Variants in ZNF609 observed in about 807,000 individuals in gnomAD.
ZNF609 encodes zinc finger protein 609.
ZNF609 carries 11 observed loss-of-function variants against 109.5 expected under a neutral mutation model. The ratio of observed to expected loss-of-function variants is 0.10; its 90% CI spans 0.06 to 0.17. ZNF609 has a LOEUF of 0.17. ZNF609 is among the 10% of genes least tolerant of loss of function. ZNF609 has a pLI of 1.00. For synonymous variants in ZNF609, 646 were observed against 662.0 expected (o/e 0.98, Z 0.37); for missense variants, 1,559 against 1,772.4 (o/e 0.88, Z 2.16).
chr15:64,634,101 T>C (rs955418276), intron 3 of ZNF609, among the ~76,000 whole-genome samples: 4 of 152,114 alleles, frequency 2.6e-5, no homozygotes, highest in African/African-American at 9.7e-5. Flanking sequence ...TGTCTGTGTG[T>C]ATATACTCTG....
At chr15:64,516,460 G>A (rs1199887293) in intron 2 of ZNF609, among the ~76,000 whole-genome samples, 4 of 151,960 alleles carry the variant, frequency 2.6e-5, no homozygotes, top group Non-Finnish European at 2.9e-5. Flanking sequence ...CAAGCTCTCC[G>A]CCTCCTGAGT....
chr15:64,545,469 G>T (rs975871112), intron 2 of ZNF609, among the ~76,000 whole-genome samples: 1 of 152,146 alleles, frequency 6.6e-6, no homozygotes, highest in Non-Finnish European at 1.5e-5. Flanking sequence ...AAAGTGCTGG[G>T]ATTACGGGCA....
At chr15:64,546,737 G>A (rs1894368764) in intron 2 of ZNF609, among the ~76,000 whole-genome samples, 1 of 150,944 alleles carries the variant, frequency 6.6e-6, no homozygotes, top group Non-Finnish European at 1.5e-5. Context: ...GTCTCTCAAA[G>A]TGCTGGGATT....
At chr15:64,468,292 T>C (rs1257772166) in intron 1 of ZNF609, among the ~76,000 whole-genome samples, 1 of 151,244 alleles carries the variant, frequency 6.6e-6, no homozygotes, top group Non-Finnish European at 1.5e-5. Flanking sequence ...CCTTCCTTCC[T>C]TCATTTTCTC....
chr15:64,503,394 C>A (rs1383565993), intron 2 of ZNF609, among the ~76,000 whole-genome samples: 3 of 152,140 alleles, frequency 2.0e-5, no homozygotes, highest in Admixed American at 6.5e-5. Flanking sequence ...CTTGCCTGTT[C>A]CCTTGCCTTT....
At chr15:64,542,765 C>A (rs1894287949) in intron 2 of ZNF609, among the ~76,000 whole-genome samples, 1 of 152,222 alleles carries the variant, frequency 6.6e-6, no homozygotes, top group Admixed American at 6.5e-5. Flanking sequence ...TTCTCTCCAT[C>A]CCCACTTTCT....
chr15:64,514,599 A>G (rs1026730376), intron 2 of ZNF609, among the ~76,000 whole-genome samples: 2 of 150,190 alleles, frequency 1.3e-5, no homozygotes, highest in Non-Finnish European at 2.9e-5. Flanking sequence ...TTCACCTTCT[A>G]GCCTCTTCTC....
At chr15:64,482,219 T>C (rs1893264474) in intron 1 of ZNF609, among the ~76,000 whole-genome samples, 1 of 152,242 alleles carries the variant, frequency 6.6e-6, no homozygotes, top group African/African-American at 2.4e-5. Context: ...CCAACCAGAT[T>C]AAAGTTTCTA....
intron 2 of ZNF609, among the ~76,000 whole-genome samples, chr15:64,595,290 G>A (rs1424893934): frequency 6.6e-5 from 10 of 151,528 alleles, no homozygotes; most frequent in African/African-American, 2.4e-4. Context: ...GAACCCGGGA[G>A]GCAGAGGTTG....
intron 1 of ZNF609, among the ~76,000 whole-genome samples, chr15:64,490,968 T>TG (rs1465747103): frequency 6.6e-6 from 1 of 152,362 alleles, no homozygotes; most frequent in Admixed American, 6.5e-5. Context: ...GCTGCTGTTT[T>TG]GCTCTCCTGT....
intron 1 of ZNF609, among the ~76,000 whole-genome samples, chr15:64,462,129 C>T (rs1892950350): frequency 6.6e-6 from 1 of 152,216 alleles, no homozygotes; most frequent in East Asian, 1.9e-4. Context: ...GTGCCATTTT[C>T]TTCCTTTTCC....
chr15:64,570,171 C>T (rs190699864), intron 2 of ZNF609, among the ~76,000 whole-genome samples: 3 of 152,296 alleles, frequency 2.0e-5, no homozygotes, highest in African/African-American at 7.2e-5. Flanking sequence ...GCCGAGAGCT[C>T]TCTTATTCCC....
chr15:64,543,812 T>G (rs2140384638), intron 2 of ZNF609, among the ~76,000 whole-genome samples: 1 of 152,336 alleles, frequency 6.6e-6, no homozygotes, highest in African/African-American at 2.4e-5. Flanking sequence ...CTGATGAGTT[T>G]TTGTTTCCCA....
chr15:64,681,198 A>G (rs1206292378), intron 8 of ZNF609, 111 bp from the exon 9 acceptor site: 1 of 927,204 alleles, frequency 1.1e-6, no homozygotes, highest in Admixed American at 2.0e-5. Flanking sequence ...CAGCAAATAT[A>G]TCTGGCTGAG....
intron 2 of ZNF609, among the ~76,000 whole-genome samples, chr15:64,585,789 A>ACTT (rs1304483937): frequency 6.6e-6 from 1 of 152,156 alleles, no homozygotes; most frequent in African/African-American, 2.4e-5. Flanking sequence ...ACAGTGACTC[A>ACTT]CAGAAGGAGA....
intron 2 of ZNF609, among the ~76,000 whole-genome samples, chr15:64,557,710 T>C (rs1894611915): frequency 6.6e-6 from 1 of 152,178 alleles, no homozygotes; most frequent in Non-Finnish European, 1.5e-5. Context: ...TTTCTGGTTT[T>C]TTTTGGGACG....
chr15:64,627,663 C>CTTTTTTTTTTTTTTTTTT (rs35293725), intron 3 of ZNF609, among the ~76,000 whole-genome samples: 9 of 86,016 alleles, frequency 1.0e-4, no homozygotes, highest in Admixed American at 1.8e-4. Context: ...TTTTTTCTTT[C>CTTTTTTTTTTTTTTTTTT]TTTTTTTTTT....
intron 1 of ZNF609, among the ~76,000 whole-genome samples, chr15:64,494,575 C>G (rs1893457046): frequency 1.3e-5 from 2 of 152,122 alleles, no homozygotes; most frequent in African/African-American, 4.8e-5. Flanking sequence ...GAGTCTTACT[C>G]TGTCACCTAT....
chr15:64,472,913 G>A (rs771544421), intron 1 of ZNF609, among the ~76,000 whole-genome samples: 1 of 152,108 alleles, frequency 6.6e-6, no homozygotes, highest in African/African-American at 2.4e-5. Context: ...CTGAAATTCG[G>A]TGTAAAGCTC....
Sources: gnomAD v4.1 joint callset for allele counts (sites outside exome capture counted in the v4.1 genomes callset) on GRCh38, gnomAD v4.1.1 for gene constraint, MANE v1.5 for transcripts, NCBI Gene and HGNC (gene_info 2026-07-23, HGNC 2026-07-21) for gene names.